Variants in RASAL2 observed in about 807,000 individuals in gnomAD.
RASAL2 encodes ras GTPase-activating protein nGAP.
A neutral mutation model predicts 128.9 loss-of-function variants in RASAL2; 58 were observed. The observed-to-expected ratio is 0.45, with a 90% confidence interval of 0.36 to 0.56. The LOEUF (loss-of-function observed/expected upper bound fraction) is 0.56, where lower values mean the gene tolerates loss of function less well. Among genes scored for constraint, RASAL2 ranks in the 20% least tolerant of loss-of-function variants. The pLI, the probability that RASAL2 is intolerant of heterozygous loss-of-function variation, is 0.00. For missense variants in RASAL2, 1,360 were observed against 1,601.6 expected (o/e 0.85, Z 2.57); for synonymous variants, 561 against 580.8 (o/e 0.97, Z 0.49).
At chr1:178,342,714 CTG>C (rs1669950611) in intron 3 of RASAL2, among the ~76,000 whole-genome samples, 1 of 152,054 alleles carries the variant, frequency 6.6e-6, no homozygotes, top group Non-Finnish European at 1.5e-5. Context: ...TGTAATGTAT[CTG>C]TTTTACTGAA....
intron 5 of RASAL2, among the ~76,000 whole-genome samples, chr1:178,431,325 C>T (rs1160762007): frequency 2.0e-5 from 3 of 151,914 alleles, no homozygotes; most frequent in Non-Finnish European, 4.4e-5. Flanking sequence ...ACTGAGATTG[C>T]CAATAAACAT....
intron 1 of RASAL2, among the ~76,000 whole-genome samples, chr1:178,229,376 A>C (rs1663912536): frequency 6.6e-6 from 1 of 152,184 alleles, no homozygotes; most frequent in African/African-American, 2.4e-5. Flanking sequence ...CATTGCTTTA[A>C]ATTGTCTGTC....
At chr1:178,222,540 A>G (rs1663648622) in intron 1 of RASAL2, among the ~76,000 whole-genome samples, 1 of 152,046 alleles carries the variant, frequency 6.6e-6, no homozygotes, top group African/African-American at 2.4e-5. Flanking sequence ...AATATTCCTA[A>G]TCTCTCTCTG....
intron 17 of RASAL2, among the ~76,000 whole-genome samples, chr1:178,472,680 C>T (rs1353120050): frequency 6.6e-6 from 1 of 152,190 alleles, no homozygotes; most frequent in Non-Finnish European, 1.5e-5. Flanking sequence ...TGAAATGAAA[C>T]CTCTGGTGCT....
At chr1:178,094,953 A>G (rs1266847805) in intron 1 of RASAL2, among the ~76,000 whole-genome samples, 1 of 152,192 alleles carries the variant, frequency 6.6e-6, no homozygotes, top group Non-Finnish European at 1.5e-5. Context: ...CCAAGACGTA[A>G]TTCTTAGGCG....
At chr1:178,354,543 T>G (rs1216872034) in intron 3 of RASAL2, among the ~76,000 whole-genome samples, 1 of 152,204 alleles carries the variant, frequency 6.6e-6, no homozygotes, top group Non-Finnish European at 1.5e-5. Flanking sequence ...TATGTAAGGA[T>G]TAGAAAATTA....
At chr1:178,180,254 G>C (rs1342944974) in intron 1 of RASAL2, among the ~76,000 whole-genome samples, 1 of 151,956 alleles carries the variant, frequency 6.6e-6, no homozygotes, top group Non-Finnish European at 1.5e-5. Context: ...AGTCACAGTT[G>C]AGCTAAGTAG....
chr1:178,328,068 G>A (rs900890381), intron 3 of RASAL2, among the ~76,000 whole-genome samples: 1 of 152,026 alleles, frequency 6.6e-6, no homozygotes, highest in Non-Finnish European at 1.5e-5. Flanking sequence ...AATTATGAGA[G>A]CATAAATTTC....
intron 1 of RASAL2, among the ~76,000 whole-genome samples, chr1:178,151,015 G>T (rs1291828451): frequency 2.6e-5 from 4 of 152,092 alleles, no homozygotes; most frequent in African/African-American, 9.7e-5. Context: ...AGAAGGCTAT[G>T]CTCTACCTTC....
rs1416551246 is a variant in RASAL2 at position 178,162,999 on chromosome 1, C to A, written c.202+68305C>A. On this transcript the variant is annotated intron_variant, in intron 1 of 17. Transcript: ENST00000367649. ...TGTTTTTTATTTTCCAAGAAAGAGT[C>A]TTGCTCTGTTGCCCAGGCTGGAGTG... Among the ~76,000 whole-genome samples, 3 of 151,910 alleles carry A rather than the reference C, an allele frequency of 2.0e-5. No homozygotes were observed. The South Asian group carries it at 6.2e-4, about 32-fold the overall frequency.
At chr1:178,411,638 T>C in intron 4 of RASAL2, 1 of 787,798 alleles carries the variant, frequency 1.3e-6, no homozygotes, top group Non-Finnish European at 2.3e-6. Context: ...GAGAGAAATG[T>C]ATTTGGTGTC....
Position 178,387,029 on chromosome 1 carries a change from C to G in RASAL2, c.458-3071C>G, listed in dbSNP as rs533086543. Among the ~76,000 whole-genome samples the G allele has an allele frequency of 2.0e-5, 3 of 152,286 alleles. No individual in the cohort carries two copies. The South Asian group carries it at 6.2e-4, about 32-fold the overall frequency. On this transcript the variant is annotated intron_variant, in intron 3 of 17. Coordinates refer to ENST00000367649, the MANE Select transcript of RASAL2 (RefSeq NM_170692.4). ...ATTCCGCTCTTGCTAATGCTGCTAC[C>G]TTGCTTCTAAGTGGACATTGGTACT...
intron 4 of RASAL2, among the ~76,000 whole-genome samples, chr1:178,411,316 G>T (rs537882150): frequency 6.6e-6 from 1 of 152,100 alleles, no homozygotes; most frequent in Non-Finnish European, 1.5e-5. Flanking sequence ...ACCAAATATT[G>T]TATGTTCTCA....
At chr1:178,094,949 C>A (rs887040654) in intron 1 of RASAL2, among the ~76,000 whole-genome samples, 3 of 152,124 alleles carry the variant, frequency 2.0e-5, no homozygotes, top group Non-Finnish European at 4.4e-5. Context: ...CTATCCAAGA[C>A]GTAATTCTTA....
chr1:178,337,835 G>A (rs1159057562), intron 3 of RASAL2, among the ~76,000 whole-genome samples: 1 of 151,770 alleles, frequency 6.6e-6, no homozygotes, highest in Non-Finnish European at 1.5e-5. Context: ...GGGTTCAAGC[G>A]ATTCTCCTGC....
intron 1 of RASAL2, among the ~76,000 whole-genome samples, chr1:178,255,019 C>G (rs1317106948): frequency 6.6e-6 from 1 of 151,796 alleles, no homozygotes; most frequent in East Asian, 1.9e-4. Context: ...GGATAACATA[C>G]TGAAAGTACT....
Position 178,476,288 on chromosome 1 carries a change from C to T in RASAL2, c.*3049C>T, listed in dbSNP as rs930970810. 1.3e-5 allele frequency: 2 copies of T among 152,188 alleles called. No homozygotes were observed. The highest frequency in any genetic ancestry group is 1.5e-5 in the Non-Finnish European group (1 of 68,050). The allele number at this position is 152,188 out of a possible 1,614,324, so 9.4% of individuals were successfully genotyped here. A position where few individuals can be genotyped will look rare whatever the true frequency, so the allele number is the denominator to read the frequency against. On this transcript the variant is annotated 3_prime_UTR_variant, in exon 18 of 18. Coordinates refer to ENST00000367649, the MANE Select transcript of RASAL2 (RefSeq NM_170692.4). Reference sequence around the variant, plus strand: ...AGTGTTGGTAGGAGTCAGAAAAGAGCTTCATATTCCCCTTTTATATTACTG... The same window carrying T: ...AGTGTTGGTAGGAGTCAGAAAAGAGTTTCATATTCCCCTTTTATATTACTG...
intron 1 of RASAL2, among the ~76,000 whole-genome samples, chr1:178,110,517 G>C (rs1481560810): frequency 7.2e-6 from 1 of 139,186 alleles, no homozygotes; most frequent in Non-Finnish European, 1.5e-5. Context: ...AGCATATATA[G>C]TGTATATATA....
At chr1:178,372,152 A>T (rs867279863) in intron 3 of RASAL2, 25 of 984,820 alleles carry the variant, frequency 2.5e-5, no homozygotes, top group Admixed American at 6.2e-5. Context: ...TAAGTGTTGG[A>T]CCCCCAAGAA....
Sources: gnomAD v4.1 joint callset for allele counts (sites outside exome capture counted in the v4.1 genomes callset) on GRCh38, gnomAD v4.1.1 for gene constraint, MANE v1.5 for transcripts, NCBI Gene and HGNC (gene_info 2026-07-23, HGNC 2026-07-21) for gene names.